The following FSTL5 variants were observed in gnomAD, a reference collection of about 807,000 sequenced individuals.
FSTL5 encodes follistatin-related protein 5.
FSTL5 carries 62 observed loss-of-function variants against 89.1 expected under a neutral mutation model. That is an observed-to-expected ratio of 0.70 (90% CI 0.57 to 0.86). FSTL5 has a LOEUF of 0.86. FSTL5 is among the 40% of genes least tolerant of loss of function. The pLI is 0.00. For synonymous variants in FSTL5, 383 were observed against 346.2 expected, an observed-to-expected ratio of 1.11 and a Z score of -1.18; for missense variants, 1,057 against 1,001.6, an observed-to-expected ratio of 1.06 and a Z score of -0.75.
At chr4:161,934,160 G>T (rs905868766) in intron 3 of FSTL5, among the ~76,000 whole-genome samples, 2 of 152,088 alleles carry the variant, frequency 1.3e-5, no homozygotes, top group African/African-American at 4.8e-5. Context: ...CATAGTAAGT[G>T]ATGGAGCCAG....
intron 7 of FSTL5, among the ~76,000 whole-genome samples, chr4:161,642,194 C>T (rs1735989488): frequency 6.6e-6 from 1 of 151,974 alleles, no homozygotes; most frequent in Non-Finnish European, 1.5e-5. Flanking sequence ...GTAGTGAGAA[C>T]ACATAAAGCC....
rs186279626 is a variant in FSTL5, at chr4:162,059,828, T to C, written c.127-26170A>G. 1.3e-4 allele frequency among the ~76,000 whole-genome samples: 20 copies of C among 152,190 alleles called. No homozygotes were observed. In the East Asian group the frequency reaches 2.5e-3, roughly 19 times the overall value. The stretch of plus-strand genomic sequence containing the variant: ...AGATGGACTGCAAAGAAGATCAAGG[T>C]TATGAGATCAGAAACTGACACACAG... On this transcript the variant is annotated intron_variant, in intron 2 of 15. Coordinates refer to ENST00000306100, the MANE Select transcript of FSTL5 (RefSeq NM_020116.5).
At chr4:161,826,527 C>A (rs1364648492) in intron 4 of FSTL5, among the ~76,000 whole-genome samples, 1 of 152,012 alleles carries the variant, frequency 6.6e-6, no homozygotes, top group Non-Finnish European at 1.5e-5. Context: ...TATCTCATTT[C>A]TTATGTCTGG....
rs943569308 is a variant in FSTL5, at chr4:161,505,043, A to G, written c.1340-4909T>C. On this transcript the variant is annotated intron_variant, in intron 11 of 15. Coordinates refer to ENST00000306100, the MANE Select transcript of FSTL5 (RefSeq NM_020116.5). ...GTATGATGTAGTGATTTGGTAGCCA[A>G]TCAAAGGTATTTCAATAAATTACGG... 5.3e-5 allele frequency among the ~76,000 whole-genome samples: 8 copies of G among 152,112 alleles called. No homozygotes were observed. In the East Asian group the frequency reaches 1.5e-3, roughly 29 times the overall value.
chr4:161,484,463 T>C (rs1365121691), intron 12 of FSTL5, among the ~76,000 whole-genome samples: 1 of 152,180 alleles, frequency 6.6e-6, no homozygotes, highest in East Asian at 1.9e-4. Flanking sequence ...AACATTCACA[T>C]TGCCCCATAA....
At chr4:161,817,812 G>A (rs188195949) in intron 4 of FSTL5, among the ~76,000 whole-genome samples, 102 of 152,302 alleles carry the variant, frequency 6.7e-4, no homozygotes, top group Non-Finnish European at 1.3e-3. Flanking sequence ...CAAACAATTG[G>A]ATATTAATTT....
chr4:162,035,618 CTT>C (rs1737707081), intron 2 of FSTL5, among the ~76,000 whole-genome samples: 6 of 152,000 alleles, frequency 3.9e-5, no homozygotes, highest in Non-Finnish European at 8.8e-5. Context: ...TTTGGTAGGA[CTT>C]TGGTTTTTAC....
intron 6 of FSTL5, among the ~76,000 whole-genome samples, chr4:161,686,348 T>A (rs868235538): frequency 1.9e-3 from 50 of 26,118 alleles, no homozygotes; most frequent in African/African-American, 4.5e-3. Flanking sequence ...ATATATATAT[T>A]TTTTTTTTTT....
chr4:161,796,261 G>A (rs1729629180), intron 4 of FSTL5, among the ~76,000 whole-genome samples: 2 of 151,618 alleles, frequency 1.3e-5, no homozygotes, highest in Admixed American at 6.6e-5. Flanking sequence ...TCCCTCACCT[G>A]AACTCCTTGA....
intron 2 of FSTL5, among the ~76,000 whole-genome samples, chr4:162,049,181 T>C (rs944562139): frequency 6.6e-6 from 1 of 152,116 alleles, no homozygotes; most frequent in African/African-American, 2.4e-5. Context: ...TCTTCACAAG[T>C]AGTGCAGGTA....
intron 12 of FSTL5, among the ~76,000 whole-genome samples, chr4:161,483,138 C>G (rs1325854314): frequency 6.6e-6 from 1 of 152,242 alleles, no homozygotes; most frequent in Admixed American, 6.5e-5. Context: ...ATTACACTTT[C>G]ATTCACCAAT....
At chr4:161,837,983 A>G (rs1027994206) in intron 4 of FSTL5, among the ~76,000 whole-genome samples, 2 of 152,192 alleles carry the variant, frequency 1.3e-5, no homozygotes, top group African/African-American at 2.4e-5. Context: ...ACGGGCTTCT[A>G]TGCTTAAACA....
intron 2 of FSTL5, among the ~76,000 whole-genome samples, chr4:162,057,298 A>C (rs1738576984): frequency 6.6e-6 from 1 of 152,172 alleles, no homozygotes; most frequent in African/African-American, 2.4e-5. Flanking sequence ...AGCTCTACTC[A>C]TGGAAGGCTC....
At chr4:161,458,187 A>G (rs1455819486) in intron 14 of FSTL5, among the ~76,000 whole-genome samples, 1 of 152,198 alleles carries the variant, frequency 6.6e-6, no homozygotes, top group African/African-American at 2.4e-5. Flanking sequence ...GTGCTCCCAG[A>G]TCACATCAGC....
At chr4:161,873,359 G>A (rs188568296) in intron 4 of FSTL5, among the ~76,000 whole-genome samples, 2 of 152,104 alleles carry the variant, frequency 1.3e-5, no homozygotes, top group East Asian at 1.9e-4. Context: ...CTATCAGTAC[G>A]CCCTTTAGGG....
In FSTL5 at chr4:162,115,342, T is replaced by C. The variant is rs867961840; in HGVS notation, c.-16-3930A>G. ...TCTTTAGATACAAAATCCAAATATA[T>C]CATTATTATATCTTTAAAAGTTCAC... is the stretch of plus-strand genomic sequence containing the variant. On this transcript the variant is annotated intron_variant, in intron 1 of 15. Transcript: ENST00000306100. 2.0e-5 allele frequency among the ~76,000 whole-genome samples: 3 copies of C among 152,260 alleles called. No individual in the cohort carries two copies. In the Middle Eastern group the frequency reaches 0.01, roughly 518 times the overall value.
chr4:161,458,539 G>A (rs1323199817), intron 14 of FSTL5, among the ~76,000 whole-genome samples: 1 of 152,048 alleles, frequency 6.6e-6, no homozygotes, highest in Non-Finnish European at 1.5e-5. Context: ...TAATAATTTG[G>A]GGTCTTGTTA....
chr4:161,956,801 G>A (rs972849940), intron 3 of FSTL5, among the ~76,000 whole-genome samples: 1 of 151,798 alleles, frequency 6.6e-6, no homozygotes, highest in African/African-American at 2.4e-5. Flanking sequence ...AACTTCAAAA[G>A]TTTTAACAGT....
intron 9 of FSTL5, 62 bp from the exon 10 acceptor site, chr4:161,538,362 T>C (rs984936472): frequency 6.4e-7 from 1 of 1,562,318 alleles, no homozygotes; most frequent in African/African-American, 1.4e-5. Context: ...CAGTGCTTTC[T>C]GATTACACAG....
Sources: gnomAD v4.1 joint callset for allele counts (sites outside exome capture counted in the v4.1 genomes callset) on GRCh38, gnomAD v4.1.1 for gene constraint, MANE v1.5 for transcripts, NCBI Gene and HGNC (gene_info 2026-07-23, HGNC 2026-07-21) for gene names.